Variants in FHOD3 observed in about 807,000 individuals in gnomAD.
The protein encoded by FHOD3 is FH1/FH2 domain-containing protein 3.
FHOD3 carries 90 observed loss-of-function variants against 173.0 expected under a neutral mutation model. The ratio of observed to expected loss-of-function variants is 0.52; its 90% CI spans 0.44 to 0.62. FHOD3 has a LOEUF of 0.62. Among genes scored for constraint, FHOD3 ranks in the 20% least tolerant of loss-of-function variants. The pLI is 0.00. For synonymous variants in FHOD3, 828 were observed against 823.0 expected (o/e 1.01, Z -0.10); for missense variants, 1,945 against 2,034.7 (o/e 0.96, Z 0.85).
chr18:36,542,992 T>C (rs2057283903), intron 5 of FHOD3, among the ~76,000 whole-genome samples: 1 of 152,174 alleles, frequency 6.6e-6, no homozygotes, highest in Non-Finnish European at 1.5e-5. Context: ...ACATTTAAGT[T>C]AGTAAATGTA....
chr18:36,611,597 C>T (rs932737187), intron 8 of FHOD3, among the ~76,000 whole-genome samples: 1 of 152,148 alleles, frequency 6.6e-6, no homozygotes, highest in African/African-American at 2.4e-5. Flanking sequence ...GAGAGTCACC[C>T]CTTCGATTAA....
intron 18 of FHOD3, chr18:36,710,404 C>T (rs2040108607): frequency 6.6e-6 from 1 of 152,218 alleles, no homozygotes; most frequent in African/African-American, 2.4e-5. Context: ...CAAAGGCCTG[C>T]CAACCAGTGC....
At chr18:36,621,586 G>A (rs1447569508) in intron 9 of FHOD3, among the ~76,000 whole-genome samples, 3 of 152,126 alleles carry the variant, frequency 2.0e-5, no homozygotes, top group African/African-American at 4.8e-5. Context: ...TCCCATGATA[G>A]CAGTGTTTCA....
At chr18:36,370,911 T>A (rs918768284) in intron 2 of FHOD3, among the ~76,000 whole-genome samples, 1 of 152,124 alleles carries the variant, frequency 6.6e-6, no homozygotes, top group Non-Finnish European at 1.5e-5. Flanking sequence ...ATAATTCAAT[T>A]TGGTGCACTT....
At chr18:36,695,866 A>C (rs2039253620) in intron 17 of FHOD3, among the ~76,000 whole-genome samples, 1 of 152,198 alleles carries the variant, frequency 6.6e-6, no homozygotes, top group South Asian at 2.1e-4. Flanking sequence ...TCCCATTTTC[A>C]AATGTTCAAA....
intron 14 of FHOD3, among the ~76,000 whole-genome samples, chr18:36,661,802 CATCTCCAT>C (rs1286913809): frequency 6.6e-6 from 1 of 152,104 alleles, no homozygotes; most frequent in Admixed American, 6.5e-5. Context: ...AAAATGAATC[CATCTCCAT>C]ATCTCCTATT....
intron 5 of FHOD3, among the ~76,000 whole-genome samples, chr18:36,537,750 G>A (rs1168258811): frequency 1.3e-5 from 2 of 152,122 alleles, no homozygotes; most frequent in East Asian, 3.9e-4. Context: ...CATGGTTATA[G>A]CATAAGACTT....
chr18:36,647,721 A>G (rs1397638909), intron 10 of FHOD3, among the ~76,000 whole-genome samples: 9 of 152,370 alleles, frequency 5.9e-5, no homozygotes, highest in Middle Eastern at 3.4e-3. Flanking sequence ...AGAATGGGTA[A>G]ACTACTGGAA....
chr18:36,471,051 C>T (rs886109786), intron 3 of FHOD3, among the ~76,000 whole-genome samples: 17 of 152,174 alleles, frequency 1.1e-4, no homozygotes, highest in Non-Finnish European at 1.5e-4. Flanking sequence ...CCACATGGCT[C>T]AGGGATCGCA....
chr18:36,598,798 C>T (rs1200553576), intron 7 of FHOD3, among the ~76,000 whole-genome samples: 1 of 152,224 alleles, frequency 6.6e-6, no homozygotes, highest in African/African-American at 2.4e-5. Flanking sequence ...ATCCACCCGC[C>T]TCGGCCTCCC....
intron 3 of FHOD3, among the ~76,000 whole-genome samples, chr18:36,420,762 T>A (rs1252353472): frequency 6.6e-6 from 1 of 152,224 alleles, no homozygotes; most frequent in African/African-American, 2.4e-5. Flanking sequence ...GTGATTCACT[T>A]AGATGGTTGA....
chr18:36,320,479 G>A (rs2144924933), intron 1 of FHOD3, among the ~76,000 whole-genome samples: 1 of 152,312 alleles, frequency 6.6e-6, no homozygotes, highest in East Asian at 1.9e-4. Flanking sequence ...CTCTGAAATT[G>A]AGGCAATAAT....
chr18:36,750,891 A>G (rs2042376061), intron 24 of FHOD3, among the ~76,000 whole-genome samples: 1 of 152,096 alleles, frequency 6.6e-6, no homozygotes, highest in Non-Finnish European at 1.5e-5. Flanking sequence ...CTGTAGCCCT[A>G]TATTGTAAAG....
intron 16 of FHOD3, among the ~76,000 whole-genome samples, chr18:36,691,605 C>G (rs1176345796): frequency 6.6e-6 from 1 of 151,910 alleles, no homozygotes; most frequent in Admixed American, 6.6e-5. Flanking sequence ...TCTCTTACCC[C>G]TCAAGAGGTG....
intron 1 of FHOD3, among the ~76,000 whole-genome samples, chr18:36,316,284 G>A (rs753371771): frequency 2.6e-5 from 4 of 152,150 alleles, no homozygotes; most frequent in Non-Finnish European, 5.9e-5. Flanking sequence ...TCTGTGAGGG[G>A]ACAAGGAGAA....
intron 9 of FHOD3, among the ~76,000 whole-genome samples, chr18:36,623,320 A>T (rs566219143): frequency 1.4e-4 from 22 of 152,260 alleles, no homozygotes; most frequent in Non-Finnish European, 3.2e-4. Flanking sequence ...TAATCTTATC[A>T]TTCCAAATGT....
chr18:36,316,369 C>G (rs12962027), intron 1 of FHOD3, among the ~76,000 whole-genome samples: 1 of 152,124 alleles, frequency 6.6e-6, no homozygotes, highest in African/African-American at 2.4e-5. Flanking sequence ...AACTGGAGCT[C>G]CTCTAGAGGG....
intron 5 of FHOD3, among the ~76,000 whole-genome samples, chr18:36,529,201 G>A (rs1270848194): frequency 6.6e-6 from 1 of 152,166 alleles, no homozygotes; most frequent in Admixed American, 6.5e-5. Flanking sequence ...TTCTTGTGGT[G>A]GTTCAGGAAA....
intron 7 of FHOD3, among the ~76,000 whole-genome samples, chr18:36,599,088 T>A (rs1407147486): frequency 6.6e-6 from 1 of 152,224 alleles, no homozygotes; most frequent in Non-Finnish European, 1.5e-5. Flanking sequence ...TTTGTCATTT[T>A]GCCATATTGG....
Sources: gnomAD v4.1 joint callset for allele counts (sites outside exome capture counted in the v4.1 genomes callset) on GRCh38, gnomAD v4.1.1 for gene constraint, MANE v1.5 for transcripts, NCBI Gene and HGNC (gene_info 2026-07-23, HGNC 2026-07-21) for gene names.